Variants in FRYL observed in about 807,000 individuals in gnomAD.
The protein encoded by FRYL is protein furry homolog-like.
A neutral mutation model predicts 351.2 loss-of-function variants in FRYL; 150 were observed. The observed-to-expected ratio is 0.43, with a 90% CI of 0.37 to 0.49. FRYL has a LOEUF of 0.49. FRYL is among the 20% of genes least tolerant of loss of function. The pLI is 0.00. For missense variants in FRYL, 3,036 were observed against 3,619.3 expected (o/e 0.84, Z 4.13); for synonymous variants, 1,153 against 1,257.1 (o/e 0.92, Z 1.75).
chr4:48,753,620 G>T, intron 1 of FRYL, among the ~76,000 whole-genome samples: 1 of 151,986 alleles, frequency 6.6e-6, no homozygotes, highest in African/African-American at 2.4e-5. Flanking sequence ...AAGCACAAAA[G>T]TTTTTAATTC....
intron 2 of FRYL, among the ~76,000 whole-genome samples, chr4:48,691,465 T>C (rs1765672321): frequency 6.6e-6 from 1 of 152,126 alleles, no homozygotes; most frequent in Non-Finnish European, 1.5e-5. Flanking sequence ...AAAAATACAT[T>C]TGGAAGCCAA....
chr4:48,534,820 G>A (rs1728510864), intron 48 of FRYL, 135 bp from the exon 49 acceptor site: 4 of 556,422 alleles, frequency 7.2e-6, no homozygotes, highest in Non-Finnish European at 6.2e-6. Context: ...GAAATCTAGA[G>A]ACTAATAAAG....
intron 1 of FRYL, among the ~76,000 whole-genome samples, chr4:48,758,425 T>C (rs561940140): frequency 6.6e-6 from 1 of 152,128 alleles, no homozygotes; most frequent in Non-Finnish European, 1.5e-5. Flanking sequence ...GCAAAGGATA[T>C]GAACAGACAC....
intron 43 of FRYL, 87 bp downstream of exon 43, chr4:48,544,696 A>G: frequency 9.1e-7 from 1 of 1,100,188 alleles, no homozygotes; most frequent in Non-Finnish European, 1.3e-6. Flanking sequence ...GTATCACAAT[A>G]TCAACTATTA....
intron 13 of FRYL, among the ~76,000 whole-genome samples, chr4:48,597,809 C>T (rs1196768573): frequency 6.6e-6 from 1 of 152,110 alleles, no homozygotes. Flanking sequence ...TCAAACAAAG[C>T]TGGCATTCAC....
intron 1 of FRYL, among the ~76,000 whole-genome samples, chr4:48,763,106 TAAAAAAAA>T (rs10683757): frequency 2.2e-5 from 2 of 91,534 alleles, no homozygotes; most frequent in African/African-American, 8.2e-5. Context: ...TACAGATCTG[TAAAAAAAA>T]AAAAAAAAAA....
In FRYL at chr4:48,567,142, A is replaced by C; in HGVS notation, c.3169+106T>G. On this transcript the variant is annotated intron_variant, in intron 28 of 63. Transcript: ENST00000358350. The surrounding 1 kb of genome is among the most constrained non-coding windows in gnomAD (Gnocchi z 4.2). ...GGTTATGCTGACATATTTTTCCAGTATGTTCATACGTTACTTTATCAACTT... is the reference window on the plus strand; with the variant it reads ...GGTTATGCTGACATATTTTTCCAGTCTGTTCATACGTTACTTTATCAACTT... 1.2e-6 allele frequency: 1 copy of C among 818,332 alleles called. No homozygotes were observed. Among genetic ancestry groups the C allele is most frequent in the Non-Finnish European group, 1.8e-6 (1 of 550,290 alleles). 50.7% of individuals were successfully genotyped at this position (818,332 alleles called of 1,614,324 possible).
intron 1 of FRYL, among the ~76,000 whole-genome samples, chr4:48,757,680 C>G (rs1406194013): frequency 4.6e-5 from 7 of 152,126 alleles, no homozygotes; most frequent in African/African-American, 7.2e-5. Context: ...GTAATTTATA[C>G]ATTCAATGCC....
At chr4:48,655,531 AT>A (rs1383958684) in intron 3 of FRYL, among the ~76,000 whole-genome samples, 4 of 151,602 alleles carry the variant, frequency 2.6e-5, no homozygotes, top group African/African-American at 9.7e-5. Context: ...AACTAGTTAA[AT>A]TTTTCTGATT....
chr4:48,512,785 T>G, intron 56 of FRYL, 97 bp from the exon 57 acceptor site: 1 of 823,950 alleles, frequency 1.2e-6, no homozygotes. Flanking sequence ...ACAGGTTATT[T>G]TTATTCATCA....
chr4:48,550,843 G>A (rs1005143830), intron 37 of FRYL, 139 bp from the exon 38 acceptor site: 6 of 647,426 alleles, frequency 9.3e-6, no homozygotes, highest in Non-Finnish European at 1.6e-5. Context: ...GGAGGCCAAG[G>A]CAGGAGGATC....
At chr4:48,681,202 A>G (rs773148727) in intron 3 of FRYL, 1 of 558,854 alleles carries the variant, frequency 1.8e-6, no homozygotes, top group African/African-American at 2.0e-5. Flanking sequence ...TGAGAAGTTC[A>G]GGTACACTAT....
intron 13 of FRYL, among the ~76,000 whole-genome samples, chr4:48,600,984 A>G (rs2149248123): frequency 6.6e-6 from 1 of 152,336 alleles, no homozygotes; most frequent in East Asian, 1.9e-4. Flanking sequence ...TTCTCAAAGT[A>G]GTATATATTC....
At chr4:48,694,584 A>G (rs1765975580) in intron 2 of FRYL, among the ~76,000 whole-genome samples, 1 of 152,198 alleles carries the variant, frequency 6.6e-6, no homozygotes, top group South Asian at 2.1e-4. Context: ...GGTGTGAGCC[A>G]CTGTGCCCAA....
intron 2 of FRYL, among the ~76,000 whole-genome samples, chr4:48,704,724 G>A (rs1214863339): frequency 4.0e-5 from 6 of 151,890 alleles, no homozygotes; most frequent in African/African-American, 1.5e-4. Flanking sequence ...TGAGGCAGGC[G>A]GATCACCTGA....
chr4:48,536,978 T>C (rs1729035339), intron 47 of FRYL, among the ~76,000 whole-genome samples: 1 of 152,158 alleles, frequency 6.6e-6, no homozygotes, highest in Non-Finnish European at 1.5e-5. Context: ...GGAAGTTATT[T>C]TATACAATCA....
intron 3 of FRYL, among the ~76,000 whole-genome samples, chr4:48,660,310 G>T (rs1760435965): frequency 6.6e-6 from 1 of 152,206 alleles, no homozygotes; most frequent in South Asian, 2.1e-4. Flanking sequence ...AGTTAACCTA[G>T]CAGGCCTGAC....
Position 48,567,191 on chromosome 4 carries a change from A to T in FRYL, c.3169+57T>A. 1 of 1,430,560 alleles carries T rather than the reference A, an allele frequency of 7.0e-7. No homozygotes were observed. The highest frequency in any genetic ancestry group is 2.4e-5 in the Admixed American group (1 of 42,116). 88.6% of individuals were successfully genotyped at this position (1,430,560 alleles called of 1,614,324 possible). ...TTAGATTATTAAACCTCAAGGAAAG[A>T]AAAAATATGACGGTTCCTTAATACT... is the stretch of plus-strand genomic sequence containing the variant. On this transcript the variant is annotated intron_variant, in intron 28 of 63. Transcript: ENST00000358350. This position sits in a 1 kb window ranked among gnomAD's most constrained non-coding sequence, Gnocchi z 4.2.
chr4:48,649,869 C>A (rs1453869962), intron 3 of FRYL, among the ~76,000 whole-genome samples: 1 of 152,024 alleles, frequency 6.6e-6, no homozygotes, highest in South Asian at 2.1e-4. Context: ...ATACAAAGCA[C>A]GCAAATGCAT....
Sources: gnomAD v4.1 joint callset for allele counts (sites outside exome capture counted in the v4.1 genomes callset) on GRCh38, gnomAD v4.1.1 for gene constraint, Gnocchi (gnomAD v3.1) non-coding constraint, MANE v1.5 for transcripts, NCBI Gene and HGNC (gene_info 2026-07-23, HGNC 2026-07-21) for gene names.